CDK6: variants seen among roughly 807,000 people sequenced by gnomAD.
CDK6 encodes the protein cyclin dependent kinase 6, also known as cyclin-dependent kinase 6.
CDK6 carries 6 observed loss-of-function variants against 37.1 expected under a neutral mutation model. That is an observed-to-expected ratio of 0.16 (90% CI 0.09 to 0.32). The LOEUF (loss-of-function observed/expected upper bound fraction) is 0.32, where lower values mean the gene tolerates loss of function less well. Among genes scored for constraint, CDK6 ranks in the 10% least tolerant of loss-of-function variants. CDK6 has a pLI of 1.00. For synonymous variants in CDK6, 160 were observed against 161.3 expected (o/e 0.99, Z 0.06); for missense variants, 224 against 418.9 (o/e 0.53, Z 4.06).
At chr7:92,688,194 C>G (rs1474279220) in intron 4 of CDK6, among the ~76,000 whole-genome samples, 2 of 152,066 alleles carry the variant, frequency 1.3e-5, no homozygotes, top group Admixed American at 1.3e-4. Flanking sequence ...GTGGTTGAAC[C>G]ATTTTACACT....
At chr7:92,633,421 T>C (rs1216369025) in intron 5 of CDK6, among the ~76,000 whole-genome samples, 1 of 152,158 alleles carries the variant, frequency 6.6e-6, no homozygotes, top group Non-Finnish European at 1.5e-5. Context: ...GGTGGACACA[T>C]TGGGTTTGTG....
Position 92,833,422 on chromosome 7 carries a change from GATCGGTC to G in CDK6, c.-106_-100del. ...CTCGCCTACTCCGGGGCTCCCCGGAGATCGGTCTAGCTTTACTTGCTCCCCGCCGGCT... is the reference window on the plus strand; with the variant it reads ...CTCGCCTACTCCGGGGCTCCCCGGAGTAGCTTTACTTGCTCCCCGCCGGCT... On this transcript the variant is annotated 5_prime_UTR_variant, in exon 2 of 8. Coordinates refer to ENST00000424848, the MANE Select transcript of CDK6 (RefSeq NM_001145306.2). This position sits in a 1 kb window ranked among gnomAD's most constrained non-coding sequence, Gnocchi z 6.1. 3 of 826,958 alleles carry G rather than the reference GATCGGTC, an allele frequency of 3.6e-6. No homozygotes were observed. Among genetic ancestry groups the G allele is most frequent in the Non-Finnish European group, 5.5e-6 (3 of 544,732 alleles). 51.2% of individuals were successfully genotyped at this position (826,958 alleles called of 1,614,324 possible). A position where few individuals can be genotyped will look rare whatever the true frequency, so the allele number is the denominator to read the frequency against.
intron 3 of CDK6, among the ~76,000 whole-genome samples, chr7:92,754,272 T>G (rs1474008070): frequency 6.6e-6 from 1 of 152,220 alleles, no homozygotes; most frequent in Non-Finnish European, 1.5e-5. Context: ...TGCATTGTCT[T>G]TGGTGCAATC....
intron 4 of CDK6, among the ~76,000 whole-genome samples, chr7:92,676,984 G>A (rs566752867): frequency 3.3e-5 from 5 of 150,680 alleles, no homozygotes; most frequent in South Asian, 4.2e-4. Flanking sequence ...AAAGAAAAGC[G>A]TTTCCATTAC....
chr7:92,825,934 T>C (rs1801299626), intron 2 of CDK6, among the ~76,000 whole-genome samples: 1 of 152,170 alleles, frequency 6.6e-6, no homozygotes, highest in Non-Finnish European at 1.5e-5. Flanking sequence ...TCATATAAAC[T>C]ATGTAGATTG....
chr7:92,722,441 A>G (rs1318978757), intron 4 of CDK6, among the ~76,000 whole-genome samples: 1 of 152,204 alleles, frequency 6.6e-6, no homozygotes, highest in Non-Finnish European at 1.5e-5. Flanking sequence ...TAAAAACAAT[A>G]CACAGACTGT....
At position 92,835,367 on chromosome 7, in the gene CDK6, C is replaced by T. The variant is rs1801631228; in HGVS notation, c.-368+1111G>A. On this transcript the variant is annotated intron_variant, in intron 1 of 7. Transcript: ENST00000424848. The surrounding 1 kb of genome is among the most constrained non-coding windows in gnomAD (Gnocchi z 4.2). ...CCCGCAGGGAACTGCGCCTGCTGCC[C>T]CCGCCGGGCCCCGCACTGCCCTGGC... 1 of 151,868 alleles carries T rather than the reference C, an allele frequency of 6.6e-6. No homozygotes were observed. Among genetic ancestry groups the T allele is most frequent in the South Asian group, 2.1e-4 (1 of 4,802 alleles). The allele number at this position is 151,868 out of a possible 1,614,324, so 9.4% of individuals were successfully genotyped here. A position where few individuals can be genotyped will look rare whatever the true frequency, so the allele number is the denominator to read the frequency against.
chr7:92,616,443 A>G (rs1795679327), intron 7 of CDK6, among the ~76,000 whole-genome samples: 1 of 152,136 alleles, frequency 6.6e-6, no homozygotes, highest in South Asian at 2.1e-4. Flanking sequence ...CCATCAGTCC[A>G]TGGTTGCTAG....
chr7:92,728,773 T>G (rs986360216), intron 3 of CDK6, among the ~76,000 whole-genome samples: 12 of 152,240 alleles, frequency 7.9e-5, no homozygotes, highest in Non-Finnish European at 1.5e-4. Flanking sequence ...ATTTTTTTTT[T>G]GTTTAGCAAA....
At chr7:92,695,155 C>T (rs1797680201) in intron 4 of CDK6, among the ~76,000 whole-genome samples, 1 of 151,098 alleles carries the variant, frequency 6.6e-6, no homozygotes, top group African/African-American at 2.4e-5. Flanking sequence ...TGTAAATATA[C>T]AAATCATCTT....
intron 4 of CDK6, among the ~76,000 whole-genome samples, chr7:92,721,779 A>C (rs1798370432): frequency 6.6e-6 from 1 of 152,204 alleles, no homozygotes; most frequent in Non-Finnish European, 1.5e-5. Context: ...ATTTCTACCA[A>C]AGGCCAACAT....
chr7:92,783,034 A>G (rs1401919793), intron 2 of CDK6, among the ~76,000 whole-genome samples: 1 of 152,162 alleles, frequency 6.6e-6, no homozygotes, highest in Non-Finnish European at 1.5e-5. Flanking sequence ...AGTAGCCGAC[A>G]GCAGAGAACC....
chr7:92,610,050 C>T lies in CDK6; in HGVS notation c.*5090G>A. 4.4e-6 allele frequency: 1 copy of T among 229,820 alleles called. No individual in the cohort carries two copies. Among genetic ancestry groups the T allele is most frequent in the Non-Finnish European group, 8.6e-6 (1 of 115,938 alleles). The allele number at this position is 229,820 out of a possible 1,614,324, so 14.2% of individuals were successfully genotyped here. A position where few individuals can be genotyped will look rare whatever the true frequency, so the allele number is the denominator to read the frequency against. ...AGAATGAAATCTCTTTTAGAAGTAC[C>T]TCTTTAGTCTTCATCAGATTTGTTT... On this transcript the variant is annotated 3_prime_UTR_variant, in exon 8 of 8. Transcript: ENST00000424848.
chr7:92,826,445 T>C (rs1032518136), intron 2 of CDK6, among the ~76,000 whole-genome samples: 5 of 152,094 alleles, frequency 3.3e-5, no homozygotes, highest in African/African-American at 1.2e-4. Context: ...CCCTGAAGGA[T>C]AAGCAGAATT....
intron 5 of CDK6, among the ~76,000 whole-genome samples, chr7:92,644,072 T>C (rs1796383367): frequency 6.6e-6 from 1 of 152,204 alleles, no homozygotes; most frequent in African/African-American, 2.4e-5. Flanking sequence ...TGGGTCCAAT[T>C]TTCTTTCTCA....
intron 2 of CDK6, among the ~76,000 whole-genome samples, chr7:92,775,896 C>T (rs1016068247): frequency 6.6e-6 from 1 of 152,042 alleles, no homozygotes; most frequent in Non-Finnish European, 1.5e-5. Flanking sequence ...AATTATCCTG[C>T]TTACATATTA....
At chr7:92,694,293 G>A (rs1193045823) in intron 4 of CDK6, among the ~76,000 whole-genome samples, 1 of 152,070 alleles carries the variant, frequency 6.6e-6, no homozygotes, top group Non-Finnish European at 1.5e-5. Flanking sequence ...ACAAAATCAA[G>A]AAGTCACATT....
chr7:92,745,567 A>G (rs1482150761), intron 3 of CDK6, among the ~76,000 whole-genome samples: 1 of 152,356 alleles, frequency 6.6e-6, no homozygotes, highest in Non-Finnish European at 1.5e-5. Flanking sequence ...AAAAATGGGC[A>G]TCTTAGAACT....
chr7:92,806,580 C>T (rs6951960), intron 2 of CDK6, among the ~76,000 whole-genome samples: 3,129 of 152,208 alleles, frequency 0.021, 124 homozygotes, highest in South Asian at 0.17. Context: ...TTACCACTTA[C>T]CTATACATTT....
Sources: gnomAD v4.1 joint callset for allele counts (sites outside exome capture counted in the v4.1 genomes callset) on GRCh38, gnomAD v4.1.1 for gene constraint, Gnocchi (gnomAD v3.1) non-coding constraint, MANE v1.5 for transcripts, NCBI Gene and HGNC (gene_info 2026-07-23, HGNC 2026-07-21) for gene names.